TIAM2: variants seen among roughly 807,000 people sequenced by gnomAD.
TIAM2 encodes rho guanine nucleotide exchange factor TIAM2.
A neutral mutation model predicts 152.9 loss-of-function variants in TIAM2; 80 were observed. That is an observed-to-expected ratio of 0.52 (90% CI 0.44 to 0.63). TIAM2 has a LOEUF of 0.63. TIAM2 is among the 30% of genes least tolerant of loss of function. The pLI, the probability that TIAM2 is intolerant of heterozygous loss-of-function variation, is 0.00. For synonymous variants in TIAM2, 804 were observed against 838.0 expected (o/e 0.96, Z 0.70); for missense variants, 1,965 against 2,120.1 (o/e 0.93, Z 1.44).
chr6:155,029,508 A>ATATACTATAGTATATATAC, intron 1 of TIAM2, among the ~76,000 whole-genome samples: 1 of 24,614 alleles, frequency 4.1e-5, no homozygotes, highest in Non-Finnish European at 7.2e-5. Flanking sequence ...TATATATAAT[A>ATATACTATAGTATATATAC]TATACTATAT....
At chr6:155,172,897 C>T (rs1780665513) in intron 9 of TIAM2, among the ~76,000 whole-genome samples, 1 of 150,750 alleles carries the variant, frequency 6.6e-6, no homozygotes. Flanking sequence ...TTAGGATTCT[C>T]TCTTCTTTTT....
intron 26 of TIAM2, chr6:155,254,892 C>A: frequency 4.4e-6 from 1 of 229,298 alleles, no homozygotes; most frequent in Non-Finnish European, 8.8e-6. Context: ...AGAACAGTGC[C>A]AGGCATCCTG....
intron 15 of TIAM2, among the ~76,000 whole-genome samples, chr6:155,215,451 T>TA (rs1781831975): frequency 6.6e-6 from 1 of 152,254 alleles, no homozygotes; most frequent in Non-Finnish European, 1.5e-5. Flanking sequence ...GCATTTGCTG[T>TA]AAAATCCCTC....
Position 155,179,021 on chromosome 6 carries a change from C to T in TIAM2, c.2524-18C>T, listed in dbSNP as rs776449464. 5.7e-6 allele frequency: 9 copies of T among 1,576,486 alleles called. No homozygotes were observed. The highest frequency in any genetic ancestry group is 7.8e-6 in the Non-Finnish European group (9 of 1,151,484). ...GAAAGAGCATTTAAAATCTGAATAA[C>T]TGTCTTTTTCTTTATAGATGAGGCA... On this transcript the variant is annotated intron_variant, in intron 10 of 26. Transcript: ENST00000682666.
chr6:155,000,811 C>G (rs1403048215), intron 1 of TIAM2, among the ~76,000 whole-genome samples: 1 of 152,162 alleles, frequency 6.6e-6, no homozygotes, highest in Admixed American at 6.5e-5. Flanking sequence ...TGGTGAAACC[C>G]TGTCTCTACT....
chr6:155,068,467 C>A (rs1186467295), intron 1 of TIAM2, among the ~76,000 whole-genome samples: 2 of 151,636 alleles, frequency 1.3e-5, no homozygotes, highest in Non-Finnish European at 2.9e-5. Context: ...GATAGAGTCT[C>A]CTCTGTTGCC....
intron 8 of TIAM2, 130 bp from the exon 9 acceptor site, chr6:155,165,133 A>T (rs1780388799): frequency 1.0e-6 from 1 of 956,060 alleles, no homozygotes; most frequent in Non-Finnish European, 1.5e-6. Flanking sequence ...CTTTCCTGGT[A>T]TTTCAGACAT....
At chr6:155,016,858 C>T (rs1778598613) in intron 1 of TIAM2, among the ~76,000 whole-genome samples, 1 of 152,176 alleles carries the variant, frequency 6.6e-6, no homozygotes, top group South Asian at 2.1e-4. Context: ...CAAGATCATG[C>T]CACTGCACTC....
At position 155,115,043 on chromosome 6, in the gene TIAM2, G is replaced by A. The variant is rs1057371521; in HGVS notation, c.-117-12447G>A. ...GGGTTTCACCATGTTGGCCAGGCTG[G>A]TCTCAAACTCCTGACCTCAGGTGAT... On this transcript the variant is annotated intron_variant, in intron 2 of 26. Coordinates refer to ENST00000682666, the MANE Select transcript of TIAM2 (RefSeq NM_012454.4). Among the ~76,000 whole-genome samples, 2 of 151,750 alleles carry A rather than the reference G, an allele frequency of 1.3e-5. 1 individual carries two copies. Among genetic ancestry groups the A allele is most frequent in the South Asian group, 4.1e-4 (2 of 4,822 alleles).
chr6:155,047,687 AGG>A (rs1777214264), intron 1 of TIAM2, among the ~76,000 whole-genome samples: 1 of 104,720 alleles, frequency 9.5e-6, no homozygotes, highest in Non-Finnish European at 1.8e-5. Flanking sequence ...AGAGAGAGAG[AGG>A]AGAGAGAGAG....
chr6:155,148,603 A>C (rs1474301912), intron 7 of TIAM2, among the ~76,000 whole-genome samples: 1 of 152,208 alleles, frequency 6.6e-6, no homozygotes, highest in Non-Finnish European at 1.5e-5. Flanking sequence ...CCTAATTTGA[A>C]TAGTGCCTTC....
intron 2 of TIAM2, among the ~76,000 whole-genome samples, chr6:155,102,143 C>T (rs1049521390): frequency 2.0e-5 from 3 of 151,996 alleles, no homozygotes; most frequent in East Asian, 1.9e-4. Flanking sequence ...GCTACAGGTG[C>T]GTGCCACCAT....
intron 21 of TIAM2, 52 bp downstream of exon 21, chr6:155,250,021 G>A (rs570952612): frequency 1.4e-5 from 19 of 1,393,502 alleles, no homozygotes; most frequent in Admixed American, 2.1e-5. Flanking sequence ...TGTGGGGTCT[G>A]TAGGTGACCT....
In TIAM2 at chr6:155,214,683, G is replaced by A. The variant is rs1781809719; in HGVS notation, c.3168+3376G>A. ...CTTCTACTTTGTTCTATCTCTAGTG[G>A]GTTATTTAATTTTGGGAACCCAATA... On this transcript the variant is annotated intron_variant, in intron 15 of 26. Coordinates refer to ENST00000682666, the MANE Select transcript of TIAM2 (RefSeq NM_012454.4). The surrounding 1 kb of genome is among the most constrained non-coding windows in gnomAD (Gnocchi z 5.4). Among the ~76,000 whole-genome samples the A allele has an allele frequency of 6.6e-6, 1 of 151,992 alleles. No individual in the cohort carries two copies. The highest frequency in any genetic ancestry group is 2.4e-5 in the African/African-American group (1 of 41,338).
intron 4 of TIAM2, among the ~76,000 whole-genome samples, chr6:155,134,487 G>A (rs1343255974): frequency 7.0e-6 from 1 of 143,452 alleles, no homozygotes; most frequent in Non-Finnish European, 1.5e-5. Context: ...GCAGTGTCAA[G>A]AGTGTGTGTA....
chr6:155,037,176 T>C (rs1469758883), intron 1 of TIAM2, among the ~76,000 whole-genome samples: 1 of 152,192 alleles, frequency 6.6e-6, no homozygotes, highest in African/African-American at 2.4e-5. Flanking sequence ...TTGTAAATGT[T>C]CAATGTAGGT....
chr6:155,237,653 A>C (rs1248405379), intron 15 of TIAM2, among the ~76,000 whole-genome samples: 2 of 152,254 alleles, frequency 1.3e-5, no homozygotes, highest in Non-Finnish European at 2.9e-5. Context: ...ACTTATGTGC[A>C]CTGGCAGGCT....
intron 1 of TIAM2, among the ~76,000 whole-genome samples, chr6:155,021,638 A>T (rs142184223): frequency 2.6e-5 from 4 of 152,024 alleles, no homozygotes; most frequent in Admixed American, 2.6e-4. Context: ...ATTCCAATCA[A>T]CCGTGCACAA....
At chr6:155,245,866 T>C (rs1182624719) in intron 19 of TIAM2, 135 bp downstream of exon 19, 1 of 523,104 alleles carries the variant, frequency 1.9e-6, no homozygotes, top group African/African-American at 2.0e-5. Context: ...ACCTTGACAG[T>C]GGCAAATATT....
Sources: gnomAD v4.1 joint callset for allele counts (sites outside exome capture counted in the v4.1 genomes callset) on GRCh38, gnomAD v4.1.1 for gene constraint, Gnocchi (gnomAD v3.1) non-coding constraint, MANE v1.5 for transcripts, NCBI Gene and HGNC (gene_info 2026-07-23, HGNC 2026-07-21) for gene names.